Variants in TRPC4 observed in about 807,000 individuals in gnomAD.
TRPC4 encodes the protein transient receptor potential cation channel subfamily C member 4, also known as short transient receptor potential channel 4.
A neutral mutation model predicts 99.4 loss-of-function variants in TRPC4; 49 were observed. That is an observed-to-expected ratio of 0.49 (90% CI 0.39 to 0.63). TRPC4 has a LOEUF of 0.63. TRPC4 is among the 20% of genes least tolerant of loss of function. The pLI, the probability that TRPC4 is intolerant of heterozygous loss-of-function variation, is 0.00. For missense variants in TRPC4, 898 were observed against 1,152.9 expected (o/e 0.78, Z 3.20); for synonymous variants, 454 against 425.9 (o/e 1.07, Z -0.81).
At chr13:37,769,354 CACTT>C (rs1445973984) in intron 2 of TRPC4, among the ~76,000 whole-genome samples, 3 of 151,382 alleles carry the variant, frequency 2.0e-5, no homozygotes, top group Non-Finnish European at 4.4e-5. Context: ...ATCGATCCCA[CACTT>C]ACATTGACAA....
chr13:37,680,032 G>C (rs1164299276), intron 4 of TRPC4, among the ~76,000 whole-genome samples: 1 of 152,158 alleles, frequency 6.6e-6, no homozygotes, highest in Non-Finnish European at 1.5e-5. Flanking sequence ...GCGTAAACAA[G>C]AATGTGATGC....
chr13:37,632,596 T>C lies in TRPC4; in HGVS notation c.*4307A>G, dbSNP rs565867288. Among the ~76,000 whole-genome samples the C allele has an allele frequency of 4.6e-5, 7 of 152,300 alleles. No individual in the cohort carries two copies. In the East Asian group the frequency reaches 1.4e-3, roughly 29 times the overall value. On this transcript the variant is annotated 3_prime_UTR_variant, in exon 11 of 11. Coordinates refer to ENST00000379705, the MANE Select transcript of TRPC4 (RefSeq NM_016179.4). ...GTCTTCACTGTCAGCCTAGTAACGG[T>C]GTGACTGTATCCAGGCTTGGTCCCA...
intron 3 of TRPC4, among the ~76,000 whole-genome samples, chr13:37,721,632 G>C (rs902865821): frequency 6.6e-6 from 1 of 152,040 alleles, no homozygotes; most frequent in Admixed American, 6.6e-5. Context: ...CTAAATGTTC[G>C]AAGATTGTTT....
intron 3 of TRPC4, among the ~76,000 whole-genome samples, chr13:37,699,597 G>C (rs1346764427): frequency 6.6e-6 from 1 of 152,120 alleles, no homozygotes; most frequent in Admixed American, 6.5e-5. Context: ...ATAAACTACA[G>C]ATTCTATTCT....
chr13:37,655,359 G>T, intron 6 of TRPC4, 76 bp from the exon 7 acceptor site: 5 of 595,624 alleles, frequency 8.4e-6, no homozygotes, highest in East Asian at 9.8e-5. Flanking sequence ...ATAAAGCTTG[G>T]CATGATTATA....
intron 6 of TRPC4, 57 bp downstream of exon 6, chr13:37,663,359 T>G: frequency 6.7e-7 from 1 of 1,489,888 alleles, no homozygotes. Context: ...AAGTTTGTGA[T>G]GTGGTGCACT....
chr13:37,827,935 G>T (rs1171891620), intron 1 of TRPC4, among the ~76,000 whole-genome samples: 2 of 152,178 alleles, frequency 1.3e-5, no homozygotes, highest in African/African-American at 2.4e-5. Context: ...CTCCATGGGC[G>T]TAGGACCCTC....
chr13:37,724,088 A>G (rs1380487763), intron 3 of TRPC4, among the ~76,000 whole-genome samples: 2 of 152,176 alleles, frequency 1.3e-5, no homozygotes, highest in Non-Finnish European at 2.9e-5. Flanking sequence ...TTCATTATTT[A>G]TGAATTCCAT....
intron 2 of TRPC4, among the ~76,000 whole-genome samples, chr13:37,763,461 A>G (rs897136625): frequency 6.6e-6 from 1 of 151,534 alleles, no homozygotes; most frequent in Non-Finnish European, 1.5e-5. Flanking sequence ...AAAGATAGAT[A>G]GAAAAAAAAT....
intron 1 of TRPC4, among the ~76,000 whole-genome samples, chr13:37,829,157 T>C (rs746901285): frequency 5.9e-5 from 9 of 152,170 alleles, no homozygotes; most frequent in Non-Finnish European, 1.3e-4. Flanking sequence ...AAAAGGACAC[T>C]ATCAAGAAAG....
intron 3 of TRPC4, among the ~76,000 whole-genome samples, chr13:37,710,875 C>G (rs1954461126): frequency 6.6e-6 from 1 of 151,744 alleles, no homozygotes; most frequent in Admixed American, 6.6e-5. Context: ...TAGACTATTG[C>G]TTTTATATGA....
intron 3 of TRPC4, among the ~76,000 whole-genome samples, chr13:37,710,850 T>C (rs1407577423): frequency 6.6e-6 from 1 of 151,932 alleles, no homozygotes; most frequent in Non-Finnish European, 1.5e-5. Context: ...AGCAATTATT[T>C]TTTGAATGGA....
chr13:37,741,526 C>A (rs1332894870), intron 3 of TRPC4, among the ~76,000 whole-genome samples: 1 of 152,134 alleles, frequency 6.6e-6, no homozygotes, highest in African/African-American at 2.4e-5. Flanking sequence ...CAACCTTAAA[C>A]CTTAAACCTG....
intron 7 of TRPC4, among the ~76,000 whole-genome samples, chr13:37,654,133 A>G (rs1348011971): frequency 6.6e-6 from 1 of 152,128 alleles, no homozygotes; most frequent in African/African-American, 2.4e-5. Flanking sequence ...TGAGTGTCTT[A>G]TGAGAAAAAT....
intron 2 of TRPC4, among the ~76,000 whole-genome samples, chr13:37,773,690 G>A (rs927418793): frequency 2.6e-5 from 4 of 151,678 alleles, no homozygotes; most frequent in African/African-American, 7.3e-5. Context: ...GTTGTTATGA[G>A]GTTTAAATAA....
At chr13:37,797,144 C>T (rs1054142072) in intron 1 of TRPC4, among the ~76,000 whole-genome samples, 2 of 151,462 alleles carry the variant, frequency 1.3e-5, no homozygotes, top group Non-Finnish European at 1.5e-5. Flanking sequence ...CGTACCACTG[C>T]ACTCCAGCCT....
intron 1 of TRPC4, among the ~76,000 whole-genome samples, chr13:37,851,560 A>G (rs1217701767): frequency 6.6e-6 from 1 of 152,210 alleles, no homozygotes; most frequent in Non-Finnish European, 1.5e-5. Context: ...TTAATTCAAT[A>G]AATTGGTTTA....
Position 37,724,290 on chromosome 13 carries a change from C to T in TRPC4, c.897+21647G>A, listed in dbSNP as rs11841927. Reference sequence around the variant, plus strand: ...TAAGTGTGTAGGTATGTTTTGTGTGCACGTGGATGCAGATATCTGGTTTTG... The same window carrying T: ...TAAGTGTGTAGGTATGTTTTGTGTGTACGTGGATGCAGATATCTGGTTTTG... On this transcript the variant is annotated intron_variant, in intron 3 of 10. Coordinates refer to ENST00000379705, the MANE Select transcript of TRPC4 (RefSeq NM_016179.4). Among the ~76,000 whole-genome samples the T allele has an allele frequency of 6.5e-3, 986 of 152,156 alleles. 12 individuals carry two copies. Among genetic ancestry groups the T allele is most frequent in the African/African-American group, 0.022 (919 of 41,512 alleles).
At chr13:37,689,392 G>A (rs1284707868) in intron 4 of TRPC4, among the ~76,000 whole-genome samples, 2 of 152,106 alleles carry the variant, frequency 1.3e-5, no homozygotes, top group African/African-American at 4.8e-5. Flanking sequence ...TCGGATATGA[G>A]GCACTCACAA....
Sources: gnomAD v4.1 joint callset for allele counts (sites outside exome capture counted in the v4.1 genomes callset) on GRCh38, gnomAD v4.1.1 for gene constraint, MANE v1.5 for transcripts, NCBI Gene and HGNC (gene_info 2026-07-23, HGNC 2026-07-21) for gene names.